PDE9A: variants seen among roughly 807,000 people sequenced by gnomAD.
The protein encoded by PDE9A is phosphodiesterase 9A.
In PDE9A, 60 loss-of-function variants were observed where a neutral mutation model predicts 87.4. The ratio of observed to expected loss-of-function variants is 0.69; its 90% CI spans 0.56 to 0.85. The LOEUF (loss-of-function observed/expected upper bound fraction) is 0.85, where lower values mean the gene tolerates loss of function less well. Among genes scored for constraint, PDE9A ranks in the 40% least tolerant of loss-of-function variants. The pLI is 0.00. For synonymous variants in PDE9A, 272 were observed against 279.4 expected (o/e 0.97, Z 0.27); for missense variants, 665 against 779.0 (o/e 0.85, Z 1.74).
At chr21:42,672,587 C>T (rs2058622491) in intron 1 of PDE9A, among the ~76,000 whole-genome samples, 1 of 152,268 alleles carries the variant, frequency 6.6e-6, no homozygotes, top group South Asian at 2.1e-4. Flanking sequence ...CAGCTCAGTG[C>T]TGGGGTGTGG....
In PDE9A at chr21:42,760,792, G is replaced by C. The variant is rs1378515799; in HGVS notation, c.1003-33G>C. The C allele has an allele frequency of 5.6e-6, 7 of 1,244,714 alleles. No homozygotes were observed. Among genetic ancestry groups the C allele is most frequent in the South Asian group, 1.2e-5 (1 of 82,018 alleles). The allele number at this position is 1,244,714 out of a possible 1,614,324, so 77.1% of individuals were successfully genotyped here. Reference sequence around the variant, plus strand: ...CCCCATCCCACCCTCCGAGTGAAGAGAGCAAACACCTACGCCCTGTTTTCC... The same window carrying C: ...CCCCATCCCACCCTCCGAGTGAAGACAGCAAACACCTACGCCCTGTTTTCC... On this transcript the variant is annotated intron_variant, in intron 12 of 19. Coordinates refer to ENST00000291539, the MANE Select transcript of PDE9A (RefSeq NM_002606.3). The surrounding 1 kb of genome is among the most constrained non-coding windows in gnomAD (Gnocchi z 5.2).
chr21:42,661,194 G>C (rs1055469501), intron 1 of PDE9A, among the ~76,000 whole-genome samples: 9 of 152,006 alleles, frequency 5.9e-5, no homozygotes, highest in African/African-American at 1.9e-4. Flanking sequence ...ACCAGGCCCG[G>C]CTAATTTTTT....
intron 3 of PDE9A, among the ~76,000 whole-genome samples, chr21:42,691,615 G>A (rs1379030626): frequency 1.5e-5 from 2 of 136,056 alleles, no homozygotes; most frequent in Non-Finnish European, 3.1e-5. Context: ...AAAGTTACCA[G>A]CCCCATCACC....
At position 42,768,397 on chromosome 21, in the gene PDE9A, G is replaced by C. The variant is rs537357576; in HGVS notation, c.1461+105G>C. The C allele has an allele frequency of 4.9e-6, 5 of 1,011,364 alleles. No individual in the cohort carries two copies. In the African/African-American group the frequency reaches 6.4e-5, roughly 13 times the overall value. 62.6% of individuals were successfully genotyped at this position (1,011,364 alleles called of 1,614,324 possible). A position where few individuals can be genotyped will look rare whatever the true frequency, so the allele number is the denominator to read the frequency against. On this transcript the variant is annotated intron_variant, in intron 16 of 19. Transcript: ENST00000291539. Reference sequence around the variant, plus strand: ...GCCTGGGTGGTCCCGCATATTCCCCGGGCTGCCGACAGTTCAGCCTCCAGA... The same window carrying C: ...GCCTGGGTGGTCCCGCATATTCCCCCGGCTGCCGACAGTTCAGCCTCCAGA...
In PDE9A at chr21:42,653,803, G is replaced by A. The variant is rs771517029; in HGVS notation, c.-12G>A. On this transcript the variant is annotated 5_prime_UTR_variant, in exon 1 of 20. Transcript: ENST00000291539. The stretch of plus-strand genomic sequence containing the variant: ...TACAGTAAAAAGTCCGAGTGCAGCC[G>A]CCGGGCGCAGGATGGGATCCGGCTC... The A allele has an allele frequency of 1.8e-5, 27 of 1,474,470 alleles. No individual in the cohort carries two copies. The East Asian group carries it at 3.6e-4, about 20-fold the overall frequency. 91.3% of individuals were successfully genotyped at this position (1,474,470 alleles called of 1,614,324 possible).
At position 42,692,648 on chromosome 21, in the gene PDE9A, C is replaced by G. The variant is rs2059911932; in HGVS notation, c.218+4654C>G. ...TTCTGCAGGTTCCCAGTGAGGAGGA[C>G]GAGGCTGGCCCGGGACACGCCACTG... On this transcript the variant is annotated intron_variant, in intron 3 of 19. Transcript: ENST00000291539. This position sits in a 1 kb window ranked among gnomAD's most constrained non-coding sequence, Gnocchi z 4.3. 6.6e-6 allele frequency among the ~76,000 whole-genome samples: 1 copy of G among 152,212 alleles called. No individual in the cohort carries two copies. Among genetic ancestry groups the G allele is most frequent in the East Asian group, 1.9e-4 (1 of 5,168 alleles).
chr21:42,655,152 A>G (rs778089812), intron 1 of PDE9A, among the ~76,000 whole-genome samples: 2 of 151,478 alleles, frequency 1.3e-5, no homozygotes, highest in Admixed American at 1.3e-4. Context: ...ACTCACAAAC[A>G]CACACACGCA....
rs1289655670 is a variant in PDE9A, at chr21:42,686,275, T to G, written c.140+13T>G. 6.2e-7 allele frequency: 1 copy of G among 1,606,000 alleles called. No homozygotes were observed. The highest frequency in any genetic ancestry group is 2.2e-5 in the East Asian group (1 of 44,838). On this transcript the variant is annotated intron_variant, in intron 2 of 19. Coordinates refer to ENST00000291539, the MANE Select transcript of PDE9A (RefSeq NM_002606.3). ...CCGGCCTGCCTCGGTGAGTGCGCGCTGCGGGCTCTGCCCGGTGACGCCACG... is the reference window on the plus strand; with the variant it reads ...CCGGCCTGCCTCGGTGAGTGCGCGCGGCGGGCTCTGCCCGGTGACGCCACG...
intron 7 of PDE9A, 54 bp downstream of exon 7, chr21:42,733,480 A>G (rs1225396879): frequency 7.9e-6 from 8 of 1,017,932 alleles, no homozygotes; most frequent in East Asian, 2.4e-5. Flanking sequence ...CCTCTATTCA[A>G]ATTAACCACT....
chr21:42,656,319 G>A (rs1029458888), intron 1 of PDE9A, among the ~76,000 whole-genome samples: 8 of 152,198 alleles, frequency 5.3e-5, no homozygotes. Flanking sequence ...CCGCCCCTTC[G>A]TTATCTCTGC....
rs537160985 is a variant in PDE9A at position 42,687,702 on chromosome 21, G to A, written c.141-215G>A. ...TTTTAAAGTATTTCAGCATCTACAC[G>A]CACTTAGGATTATACGCAGCTGTTT... On this transcript the variant is annotated intron_variant, in intron 2 of 19. Coordinates refer to ENST00000291539, the MANE Select transcript of PDE9A (RefSeq NM_002606.3). 4.6e-5 allele frequency among the ~76,000 whole-genome samples: 7 copies of A among 152,206 alleles called. No individual in the cohort carries two copies. The East Asian group carries it at 9.6e-4, about 21-fold the overall frequency.
At chr21:42,741,425 C>G (rs868124556) in intron 7 of PDE9A, 13 of 152,238 alleles carry the variant, frequency 8.5e-5, no homozygotes, top group African/African-American at 2.4e-4. Context: ...ACAAAGACGT[C>G]CCGACCTCAG....
At position 42,658,670 on chromosome 21, in the gene PDE9A, G is replaced by A. The variant is rs117177897; in HGVS notation, c.69+4787G>A. Among the ~76,000 whole-genome samples, 1,120 of 152,276 alleles carry A rather than the reference G, an allele frequency of 7.4e-3. 6 individuals are homozygous for A. Among genetic ancestry groups the A allele is most frequent in the Non-Finnish European group, 0.012 (790 of 68,032 alleles). ...ACACTGACTCCTCTCCAGGTTTCTCGGCTCCAGCACCACTGTCTGCGCCCT... is the reference window on the plus strand; with the variant it reads ...ACACTGACTCCTCTCCAGGTTTCTCAGCTCCAGCACCACTGTCTGCGCCCT... On this transcript the variant is annotated intron_variant, in intron 1 of 19. Transcript: ENST00000291539.
At position 42,699,026 on chromosome 21, in the gene PDE9A, T is replaced by C; in HGVS notation, c.262+15T>C. On this transcript the variant is annotated intron_variant, in intron 4 of 19. Transcript: ENST00000291539. The stretch of plus-strand genomic sequence containing the variant: ...GCAACTCTCCGGTAAGGCCCTGCTG[T>C]CGTTTTTTAAACTAAAAGAAGGAAA... 6.3e-7 allele frequency: 1 copy of C among 1,592,458 alleles called. No homozygotes were observed. The highest frequency in any genetic ancestry group is 8.6e-7 in the Non-Finnish European group (1 of 1,160,454).
At chr21:42,740,755 GGATAGATAGATAGATAGATA>G (rs58917556) in intron 7 of PDE9A, among the ~76,000 whole-genome samples, 1 of 140,088 alleles carries the variant, frequency 7.1e-6, no homozygotes, top group African/African-American at 2.7e-5. Flanking sequence ...TAGATAAACA[GGATAGATAGATAGATAGATA>G]GATAGATAGA....
intron 4 of PDE9A, 26 bp downstream of exon 4, chr21:42,699,037 A>C: frequency 6.4e-7 from 1 of 1,552,006 alleles, no homozygotes; most frequent in Non-Finnish European, 8.9e-7. Context: ...CGTTTTTTAA[A>C]CTAAAAGAAG....
At chr21:42,749,866 A>C (rs1255989050) in intron 8 of PDE9A, among the ~76,000 whole-genome samples, 1 of 152,250 alleles carries the variant, frequency 6.6e-6, no homozygotes, top group East Asian at 1.9e-4. Flanking sequence ...GGCTGGGCGC[A>C]GTGGCTCACG....
intron 7 of PDE9A, among the ~76,000 whole-genome samples, chr21:42,740,713 T>C (rs1436052503): frequency 7.4e-6 from 1 of 135,178 alleles, no homozygotes; most frequent in East Asian, 2.2e-4. Context: ...AGTAGATAGA[T>C]AGATAGATAG....
Position 42,731,772 on chromosome 21 carries a change from G to A in PDE9A, c.265G>A (p.Gly89Ser), listed in dbSNP as rs747319209. The change falls in exon 5 of 20, where the codon GGT (glycine) becomes AGT (serine). Residue 89 changes from glycine to serine, a missense_variant and splice_region_variant. Transcript: ENST00000291539. Reference protein sequence around the residue: ...RPVAIKQLSAGVEDKRTTSRG... With the variant: ...RPVAIKQLSASVEDKRTTSRG... ...CCAGTCCTGCCTGCTTTTTATAGCTGGTGTCGAGGACAAGAGAACCACAAG... is the reference window on the plus strand; with the variant it reads ...CCAGTCCTGCCTGCTTTTTATAGCTAGTGTCGAGGACAAGAGAACCACAAG... 1.9e-5 allele frequency: 30 copies of A among 1,611,198 alleles called. No individual in the cohort carries two copies. The South Asian group carries it at 3.0e-4, about 16-fold the overall frequency.
Sources: allele counts gnomAD v4.1 joint callset (sites outside exome capture counted in the v4.1 genomes callset), GRCh38; gene constraint gnomAD v4.1.1; non-coding constraint Gnocchi (gnomAD v3.1); transcripts MANE v1.5; gene names NCBI Gene and HGNC (gene_info 2026-07-23, HGNC 2026-07-21).